CRPPA: variants seen among roughly 807,000 people sequenced by gnomAD.
CRPPA encodes D-ribitol-5-phosphate cytidylyltransferase.
CRPPA carries 43 observed loss-of-function variants against 52.0 expected under a neutral mutation model. The observed-to-expected ratio is 0.83, with a 90% CI of 0.65 to 1.07. The LOEUF (loss-of-function observed/expected upper bound fraction) is 1.07. Ranked by LOEUF, CRPPA falls within the 50% of genes least tolerant of loss-of-function variation. CRPPA has a pLI of 0.00. For synonymous variants in CRPPA, 250 were observed against 203.5 expected (o/e 1.23, Z -1.94); for missense variants, 629 against 551.7 (o/e 1.14, Z -1.40).
At chr7:16,300,604 G>A (rs1163144452) in intron 5 of CRPPA, among the ~76,000 whole-genome samples, 2 of 152,158 alleles carry the variant, frequency 1.3e-5, no homozygotes, top group Non-Finnish European at 2.9e-5. Flanking sequence ...ACCAGGGGAA[G>A]GGGAGTGAGG....
chr7:16,341,587 G>T lies in CRPPA; in HGVS notation c.685-32960C>A, dbSNP rs1028858600. On this transcript the variant is annotated intron_variant, in intron 3 of 9. Coordinates refer to ENST00000407010, the MANE Select transcript of CRPPA (RefSeq NM_001101426.4). ...CTATTTTTTCAGTGTGTTACCAACTGCAATCCACAGAAAGTACTGTTTATA... is the reference window on the plus strand; with the variant it reads ...CTATTTTTTCAGTGTGTTACCAACTTCAATCCACAGAAAGTACTGTTTATA... 7.2e-5 allele frequency among the ~76,000 whole-genome samples: 11 copies of T among 152,234 alleles called. No homozygotes were observed. In the Middle Eastern group the frequency reaches 0.014, roughly 188 times the overall value.
intron 3 of CRPPA, among the ~76,000 whole-genome samples, chr7:16,363,513 AG>A (rs1377753843): frequency 6.6e-6 from 1 of 152,226 alleles, no homozygotes; most frequent in African/African-American, 2.4e-5. Context: ...ATGTAGGAAA[AG>A]AATGAGATTT....
intron 8 of CRPPA, among the ~76,000 whole-genome samples, chr7:16,250,675 G>A (rs1783423673): frequency 6.6e-6 from 1 of 152,192 alleles, no homozygotes; most frequent in Admixed American, 6.5e-5. Flanking sequence ...AGCAAATGCT[G>A]AGAGAGTCTG....
chr7:16,138,777 C>G (rs1276563462), intron 9 of CRPPA, among the ~76,000 whole-genome samples: 1 of 151,484 alleles, frequency 6.6e-6, no homozygotes, highest in Non-Finnish European at 1.5e-5. Context: ...GCCCATTTAC[C>G]CCCCCACACA....
chr7:16,105,141 G>C (rs747217672), intron 9 of CRPPA, among the ~76,000 whole-genome samples: 5 of 151,490 alleles, frequency 3.3e-5, no homozygotes, highest in Admixed American at 3.3e-4. Context: ...AGGTCAGCAA[G>C]ATGGCAAAAT....
intron 9 of CRPPA, among the ~76,000 whole-genome samples, chr7:16,158,494 G>A (rs989429251): frequency 1.3e-5 from 2 of 152,128 alleles, no homozygotes; most frequent in Non-Finnish European, 1.5e-5. Context: ...AACAGGGACA[G>A]GTGGAAATTT....
chr7:16,352,730 A>G (rs927648669), intron 3 of CRPPA, among the ~76,000 whole-genome samples: 1 of 152,164 alleles, frequency 6.6e-6, no homozygotes, highest in African/African-American at 2.4e-5. Flanking sequence ...TGATCCAGCA[A>G]TCCCACTTCT....
chr7:16,157,323 A>T (rs1422796221), intron 9 of CRPPA, among the ~76,000 whole-genome samples: 1 of 152,110 alleles, frequency 6.6e-6, no homozygotes, highest in Non-Finnish European at 1.5e-5. Context: ...GAGAGCTGGG[A>T]GAAGGTTCTC....
chr7:16,204,070 T>A lies in CRPPA; in HGVS notation c.1251+11996A>T, dbSNP rs150839506. Among the ~76,000 whole-genome samples, 63 of 152,296 alleles carry A rather than the reference T, an allele frequency of 4.1e-4. 1 individual carries two copies. The East Asian group carries it at 0.011, about 27-fold the overall frequency. On this transcript the variant is annotated intron_variant, in intron 9 of 9. Transcript: ENST00000407010. ...GTTATTTAGCAAACTGTGGTGAACA[T>A]GTATTTCCTAGCTCATTAAAAATTG... is the stretch of plus-strand genomic sequence containing the variant.
intron 8 of CRPPA, among the ~76,000 whole-genome samples, chr7:16,242,594 AAC>A (rs1783148381): frequency 6.6e-6 from 1 of 152,234 alleles, no homozygotes; most frequent in Non-Finnish European, 1.5e-5. Context: ...GCTCCTCGAC[AAC>A]AGAGTATAGA....
At chr7:16,290,263 A>G (rs1272042290) in intron 5 of CRPPA, among the ~76,000 whole-genome samples, 1 of 151,984 alleles carries the variant, frequency 6.6e-6, no homozygotes, top group East Asian at 1.9e-4. Context: ...CTATCAAAAT[A>G]CCAATGATAT....
intron 9 of CRPPA, among the ~76,000 whole-genome samples, chr7:16,186,715 T>C (rs1421613589): frequency 6.6e-6 from 1 of 152,190 alleles, no homozygotes; most frequent in South Asian, 2.1e-4. Context: ...ATTTATATGT[T>C]TTAAATAGTT....
chr7:16,240,502 A>C (rs1783074217), intron 8 of CRPPA, among the ~76,000 whole-genome samples: 1 of 151,900 alleles, frequency 6.6e-6, no homozygotes, highest in African/African-American at 2.4e-5. Context: ...AGTAGCAATA[A>C]GGTTGAGACA....
At chr7:16,102,069 A>C (rs1782056757) in intron 9 of CRPPA, among the ~76,000 whole-genome samples, 1 of 152,226 alleles carries the variant, frequency 6.6e-6, no homozygotes, top group South Asian at 2.1e-4. Context: ...CTACAAGGCT[A>C]CTGTAACCAA....
intron 9 of CRPPA, among the ~76,000 whole-genome samples, chr7:16,181,378 G>T (rs559496446): frequency 6.6e-6 from 1 of 151,970 alleles, no homozygotes; most frequent in South Asian, 2.1e-4. Flanking sequence ...ATTAGAATCT[G>T]TTTTATCATT....
At chr7:16,419,808 TTA>T (rs2128321057) in intron 1 of CRPPA, among the ~76,000 whole-genome samples, 1 of 152,196 alleles carries the variant, frequency 6.6e-6, no homozygotes, top group African/African-American at 2.4e-5. Flanking sequence ...ACCCGCCAAA[TTA>T]TCTTTTAAAA....
intron 8 of CRPPA, among the ~76,000 whole-genome samples, chr7:16,248,759 C>T (rs937041500): frequency 6.6e-6 from 1 of 152,110 alleles, no homozygotes; most frequent in Non-Finnish European, 1.5e-5. Flanking sequence ...AAGGGTGGGG[C>T]GTCGCCTCAC....
intron 8 of CRPPA, among the ~76,000 whole-genome samples, chr7:16,220,575 T>C (rs1407375708): frequency 8.0e-6 from 1 of 124,398 alleles, no homozygotes; most frequent in Non-Finnish European, 1.7e-5. Context: ...CTCCTTAAGC[T>C]GATAAGCAAC....
intron 9 of CRPPA, among the ~76,000 whole-genome samples, chr7:16,101,763 C>T (rs2128364126): frequency 1.3e-5 from 2 of 152,150 alleles, no homozygotes; most frequent in Middle Eastern, 3.4e-3. Context: ...TGTGAAATAC[C>T]TCTTCAAGGA....
Sources: gnomAD v4.1 joint callset for allele counts (sites outside exome capture counted in the v4.1 genomes callset) on GRCh38, gnomAD v4.1.1 for gene constraint, MANE v1.5 for transcripts, NCBI Gene and HGNC (gene_info 2026-07-23, HGNC 2026-07-21) for gene names.